KANSL1: variants seen among roughly 807,000 people sequenced by gnomAD.
KANSL1 encodes the protein MLL1/MLL complex subunit KANSL1.
Under a neutral mutation model 103.6 loss-of-function variants are expected in KANSL1, and 22 were observed. The ratio of observed to expected loss-of-function variants is 0.21; its 90% CI spans 0.15 to 0.30. The LOEUF (loss-of-function observed/expected upper bound fraction) is 0.30, where lower values mean the gene tolerates loss of function less well. KANSL1 is among the 10% of genes least tolerant of loss of function. The pLI, the probability that KANSL1 is intolerant of heterozygous loss-of-function variation, is 1.00. For synonymous variants in KANSL1, 600 were observed against 527.6 expected (o/e 1.14, Z -1.88); for missense variants, 1,337 against 1,399.8 (o/e 0.96, Z 0.72).
At chr17:46,186,850 CTT>C (rs1212305661) in intron 1 of KANSL1, among the ~76,000 whole-genome samples, 3 of 152,152 alleles carry the variant, frequency 2.0e-5, no homozygotes, top group Non-Finnish European at 4.4e-5. Flanking sequence ...GCCTCAGCCT[CTT>C]GAGTAGCTGG....
intron 3 of KANSL1, among the ~76,000 whole-genome samples, chr17:46,090,538 C>A (rs575939976): frequency 6.6e-6 from 1 of 152,330 alleles, no homozygotes; most frequent in East Asian, 1.9e-4. Context: ...GACCAAGAAT[C>A]TGAAGCTCAG....
upstream of KANSL1, among the ~76,000 whole-genome samples, chr17:46,197,570 A>C (rs1421288140): frequency 6.6e-6 from 1 of 152,174 alleles, no homozygotes. Context: ...TTGAGCCCGG[A>C]AGGCAGAGGT....
intron 2 of KANSL1, among the ~76,000 whole-genome samples, chr17:46,104,879 G>A (rs1326129617): frequency 2.6e-5 from 4 of 152,074 alleles, no homozygotes; most frequent in South Asian, 2.1e-4. Flanking sequence ...GCAATGGTGC[G>A]ATCTCGGCTC....
At chr17:46,187,358 T>TCAAG (rs1030528595) in intron 1 of KANSL1, among the ~76,000 whole-genome samples, 1 of 152,238 alleles carries the variant, frequency 6.6e-6, no homozygotes, top group African/African-American at 2.4e-5. Flanking sequence ...TTGATGTCAC[T>TCAAG]CAAGCAACTT....
chr17:46,060,884 T>C (rs2078133534), intron 6 of KANSL1, among the ~76,000 whole-genome samples: 1 of 152,316 alleles, frequency 6.6e-6, no homozygotes, highest in African/African-American at 2.4e-5. Context: ...CTACTCGGAA[T>C]TCTATGGAAG....
At chr17:46,182,278 CGTG>C (rs1455144981) in intron 1 of KANSL1, among the ~76,000 whole-genome samples, 1 of 152,154 alleles carries the variant, frequency 6.6e-6, no homozygotes, top group African/African-American at 2.4e-5. Flanking sequence ...ATGGGAAAGA[CGTG>C]GGGCATGATC....
chr17:46,050,751 A>C (rs1282891390), intron 6 of KANSL1, 47 bp from the exon 7 acceptor site: 1 of 1,566,678 alleles, frequency 6.4e-7, no homozygotes, highest in Admixed American at 1.8e-5. Flanking sequence ...TCTGATAAAA[A>C]GCCAGCTACC....
intron 2 of KANSL1, among the ~76,000 whole-genome samples, chr17:46,166,209 G>T (rs1206559040): frequency 3.4e-5 from 3 of 89,546 alleles, no homozygotes; most frequent in Non-Finnish European, 5.5e-5. Flanking sequence ...GTGAGACTCT[G>T]TCTCAAAAAA....
chr17:46,074,437 C>T (rs1455983076), intron 4 of KANSL1, among the ~76,000 whole-genome samples: 2 of 152,062 alleles, frequency 1.3e-5, no homozygotes, highest in Non-Finnish European at 2.9e-5. Flanking sequence ...AGTAGAACAA[C>T]CACCCTTTAG....
chr17:46,201,720 A>AT (rs1352162678), intron 1 of KANSL1, among the ~76,000 whole-genome samples: 3 of 151,986 alleles, frequency 2.0e-5, no homozygotes, highest in Non-Finnish European at 2.9e-5. Flanking sequence ...AAAAAAAAAA[A>AT]AATTAAGTCC....
At chr17:46,218,630 A>C (rs1443046150) in intron 1 of KANSL1, among the ~76,000 whole-genome samples, 2 of 152,080 alleles carry the variant, frequency 1.3e-5, no homozygotes, top group Non-Finnish European at 2.9e-5. Flanking sequence ...TAAAAATAGA[A>C]AAATAAGCCG....
intron 4 of KANSL1, among the ~76,000 whole-genome samples, chr17:46,075,340 ACACT>A (rs68135437): frequency 0.14 from 21,764 of 152,130 alleles, 2,118 homozygotes; most frequent in Non-Finnish European, 0.22. Context: ...CAACACACAC[ACACT>A]CTCTCTTTCT....
chr17:46,090,850 A>G (rs2079355670), intron 3 of KANSL1, among the ~76,000 whole-genome samples: 1 of 152,284 alleles, frequency 6.6e-6, no homozygotes, highest in Non-Finnish European at 1.5e-5. Flanking sequence ...TGCTGCTATT[A>G]GAAGTATACC....
intron 1 of KANSL1, among the ~76,000 whole-genome samples, chr17:46,215,543 TG>T (rs2048313973): frequency 6.6e-6 from 1 of 152,176 alleles, no homozygotes; most frequent in South Asian, 2.1e-4. Flanking sequence ...GATGAAGGTC[TG>T]GACTCAAAAA....
At chr17:46,182,882 A>G (rs2046854608) in intron 1 of KANSL1, among the ~76,000 whole-genome samples, 1 of 152,256 alleles carries the variant, frequency 6.6e-6, no homozygotes, top group Non-Finnish European at 1.5e-5. Context: ...GCCTGACAGT[A>G]AATTCTGAAT....
In KANSL1 at chr17:46,130,408, A is replaced by G. The variant is rs570946846; in HGVS notation, c.1290-35707T>C. 5.3e-5 allele frequency among the ~76,000 whole-genome samples: 8 copies of G among 152,346 alleles called. No homozygotes were observed. The South Asian group carries it at 1.4e-3, about 28-fold the overall frequency. ...AGAGGATTTAAATAAAAGTCTTTTA[A>G]AGAAACAACACTTTCAGAAGTCAAC... On this transcript the variant is annotated intron_variant, in intron 2 of 14. Coordinates refer to ENST00000432791, the MANE Select transcript of KANSL1 (RefSeq NM_015443.4).
intron 2 of KANSL1, among the ~76,000 whole-genome samples, chr17:46,121,499 C>T (rs1437707998): frequency 2.0e-5 from 3 of 152,232 alleles, no homozygotes; most frequent in Non-Finnish European, 4.4e-5. Context: ...CAGCTGACTT[C>T]ACATCCTGAC....
At chr17:46,194,618 A>G (rs2047543444), upstream of KANSL1, among the ~76,000 whole-genome samples, 1 of 152,272 alleles carries the variant, frequency 6.6e-6, no homozygotes. Flanking sequence ...AGACTAATCT[A>G]GGATTCATCA....
intron 10 of KANSL1, 106 bp from the exon 11 acceptor site, chr17:46,034,391 T>C: frequency 1.5e-6 from 2 of 1,320,486 alleles, no homozygotes; most frequent in South Asian, 2.5e-5. Flanking sequence ...ATCTGGGTCC[T>C]TGGGTTGAAG....
Sources: gnomAD v4.1 joint callset for allele counts (sites outside exome capture counted in the v4.1 genomes callset) on GRCh38, gnomAD v4.1.1 for gene constraint, MANE v1.5 for transcripts, NCBI Gene and HGNC (gene_info 2026-07-23, HGNC 2026-07-21) for gene names.